FAM171A1: variants seen among roughly 807,000 people sequenced by gnomAD.
FAM171A1 encodes the protein protein FAM171A1.
In FAM171A1, 23 loss-of-function variants were observed where a neutral mutation model predicts 74.9. The observed-to-expected ratio is 0.31, with a 90% CI of 0.22 to 0.44. FAM171A1 has a LOEUF of 0.44. Ranked by LOEUF, FAM171A1 falls within the 20% of genes least tolerant of loss-of-function variation. The probability of loss-of-function intolerance (pLI) is 1.00; values close to 1 mark genes in which losing one functional copy is unlikely to be tolerated. For synonymous variants in FAM171A1, 527 were observed against 505.7 expected (o/e 1.04, Z -0.57); for missense variants, 1,162 against 1,159.2 (o/e 1.00, Z -0.03).
At chr10:15,305,947 G>C (rs1306898450) in intron 1 of FAM171A1, among the ~76,000 whole-genome samples, 1 of 152,170 alleles carries the variant, frequency 6.6e-6, no homozygotes, top group African/African-American at 2.4e-5. Context: ...CTCAACACAG[G>C]CGAGGAGGGT....
At chr10:15,251,019 C>G (rs1834500603) in intron 4 of FAM171A1, among the ~76,000 whole-genome samples, 1 of 152,116 alleles carries the variant, frequency 6.6e-6, no homozygotes, top group East Asian at 1.9e-4. Context: ...AAGATGGAGT[C>G]CCAGTACCAG....
chr10:15,317,385 AT>A (rs773934358), intron 1 of FAM171A1, among the ~76,000 whole-genome samples: 2 of 152,050 alleles, frequency 1.3e-5, no homozygotes, highest in East Asian at 3.9e-4. Flanking sequence ...CTCATATTTT[AT>A]TTTTTTTAAT....
intron 4 of FAM171A1, among the ~76,000 whole-genome samples, chr10:15,249,848 G>A (rs900669903): frequency 2.6e-5 from 4 of 152,162 alleles, no homozygotes; most frequent in Non-Finnish European, 4.4e-5. Flanking sequence ...ATGCACTCAA[G>A]CAATCCATTT....
At chr10:15,248,527 G>T in intron 5 of FAM171A1, 112 bp downstream of exon 5, 2 of 1,153,182 alleles carry the variant, frequency 1.7e-6, no homozygotes, top group Non-Finnish European at 2.4e-6. Flanking sequence ...AATGTGAGCA[G>T]CAGCATTCAC....
At position 15,214,279 on chromosome 10, in the gene FAM171A1, C is replaced by T; in HGVS notation, c.1309G>A (p.Glu437Lys). The T allele has an allele frequency of 6.2e-7, 1 of 1,613,908 alleles. No individual in the cohort carries two copies. The highest frequency in any genetic ancestry group is 8.5e-7 in the Non-Finnish European group (1 of 1,179,978). The part of the protein sequence containing the change: ...SREELLSCKE[E>K]DKSQISFDNL... ...TCAAAGGAGATCTGGCTTTTATCCT[C>T]TTCCTTGCAAGAGAGGAGCTCCTCC... Residue 437 changes from glutamate to lysine, a missense_variant, in exon 8 of 8, where the codon GAG becomes AAG. Coordinates refer to ENST00000378116, the MANE Select transcript of FAM171A1 (RefSeq NM_001010924.2).
chr10:15,249,098 CTTT>C (rs71390024), intron 4 of FAM171A1, among the ~76,000 whole-genome samples: 4 of 133,870 alleles, frequency 3.0e-5, no homozygotes, highest in Admixed American at 7.9e-5. Context: ...TTTCTTTTTT[CTTT>C]TTTTTTTTTT....
chr10:15,329,351 A>C (rs1835598872), intron 1 of FAM171A1, among the ~76,000 whole-genome samples: 1 of 152,224 alleles, frequency 6.6e-6, no homozygotes, highest in Non-Finnish European at 1.5e-5. Context: ...AATTCAATTC[A>C]GAATGAGCTG....
At chr10:15,277,096 G>A (rs1386840176) in intron 2 of FAM171A1, among the ~76,000 whole-genome samples, 1 of 152,178 alleles carries the variant, frequency 6.6e-6, no homozygotes, top group East Asian at 1.9e-4. Context: ...ACAAATAAAT[G>A]CATTATAGAA....
chr10:15,318,230 C>A (rs1319669467), intron 1 of FAM171A1, among the ~76,000 whole-genome samples: 1 of 152,100 alleles, frequency 6.6e-6, no homozygotes, highest in Admixed American at 6.5e-5. Flanking sequence ...ATAGCAGGAG[C>A]CGGAAATTTT....
At chr10:15,216,578 G>C (rs1342803777) in intron 6 of FAM171A1, among the ~76,000 whole-genome samples, 1 of 151,972 alleles carries the variant, frequency 6.6e-6, no homozygotes, top group South Asian at 2.1e-4. Flanking sequence ...CTACAGGCAC[G>C]CACCACCACA....
intron 3 of FAM171A1, among the ~76,000 whole-genome samples, chr10:15,268,847 GC>G (rs1463812575): frequency 6.6e-6 from 1 of 152,154 alleles, no homozygotes; most frequent in Non-Finnish European, 1.5e-5. Flanking sequence ...TTTGAGACAA[GC>G]CTGGCCAACA....
intron 1 of FAM171A1, among the ~76,000 whole-genome samples, chr10:15,291,758 G>A (rs1451673534): frequency 6.6e-6 from 1 of 152,030 alleles, no homozygotes; most frequent in Non-Finnish European, 1.5e-5. Context: ...CCCATTCAGG[G>A]ACTTGCAGGG....
intron 1 of FAM171A1, among the ~76,000 whole-genome samples, chr10:15,314,968 T>C (rs1835405708): frequency 6.6e-6 from 1 of 152,250 alleles, no homozygotes; most frequent in Non-Finnish European, 1.5e-5. Flanking sequence ...AGCCTAGCCT[T>C]TCCTCATATC....
intron 6 of FAM171A1, 61 bp downstream of exon 6, chr10:15,220,883 C>T (rs1303988754): frequency 2.8e-5 from 36 of 1,268,492 alleles, no homozygotes; most frequent in Non-Finnish European, 3.2e-5. Context: ...CATACTTAGC[C>T]TGAACCCTCA....
chr10:15,299,103 T>C (rs1835196491), intron 1 of FAM171A1, among the ~76,000 whole-genome samples: 4 of 152,020 alleles, frequency 2.6e-5, no homozygotes, highest in Admixed American at 6.6e-5. Context: ...GTATTTTTAG[T>C]AGACAGGGTT....
rs1298522032 is a variant in FAM171A1 at position 15,326,471 on chromosome 10, C to T, written c.98-42366G>A. 2.7e-5 allele frequency among the ~76,000 whole-genome samples: 4 copies of T among 149,802 alleles called. No individual in the cohort carries two copies. The South Asian group carries it at 6.3e-4, about 24-fold the overall frequency. ...CTGGGAATACAGGTGTGAGCCACTA[C>T]TCCCGGCTAATTTCTGTATTTTTAG... On this transcript the variant is annotated intron_variant, in intron 1 of 7. Transcript: ENST00000378116.
At chr10:15,331,859 G>GTATACATATATATA (rs58855042) in intron 1 of FAM171A1, among the ~76,000 whole-genome samples, 4 of 44,928 alleles carry the variant, frequency 8.9e-5, no homozygotes, top group East Asian at 5.5e-4. Flanking sequence ...ATATATGTGT[G>GTATACATATATATA]TATATATATG....
chr10:15,342,017 T>G (rs73590814), intron 1 of FAM171A1, among the ~76,000 whole-genome samples: 1 of 152,116 alleles, frequency 6.6e-6, no homozygotes, highest in African/African-American at 2.4e-5. Flanking sequence ...CCTGATCCAC[T>G]AGTTCTGCAG....
chr10:15,257,794 G>A (rs1161434182), intron 3 of FAM171A1, among the ~76,000 whole-genome samples: 6 of 152,208 alleles, frequency 3.9e-5, no homozygotes, highest in Non-Finnish European at 5.9e-5. Flanking sequence ...AAGGGTGCAA[G>A]CTATTCTGAG....
Sources: gnomAD v4.1 joint callset for allele counts (sites outside exome capture counted in the v4.1 genomes callset) on GRCh38, gnomAD v4.1.1 for gene constraint, MANE v1.5 for transcripts, NCBI Gene and HGNC (gene_info 2026-07-23, HGNC 2026-07-21) for gene names.